The following DHX16 variants were observed in gnomAD, a reference collection of about 807,000 sequenced individuals.
The protein encoded by DHX16 is DEAH-box helicase 16.
A neutral mutation model predicts 131.2 loss-of-function variants in DHX16; 81 were observed. That is an observed-to-expected ratio of 0.62 (90% CI 0.52 to 0.74). The LOEUF is 0.74. DHX16 is among the 30% of genes least tolerant of loss of function. The probability of loss-of-function intolerance (pLI) is 0.00; values close to 1 mark genes in which losing one functional copy is unlikely to be tolerated. For missense variants in DHX16, 980 were observed against 1,363.1 expected (o/e 0.72, Z 4.43); for synonymous variants, 440 against 520.2 (o/e 0.85, Z 2.10).
rs1257604127 is a variant in DHX16 at position 30,670,407 on chromosome 6, C to T, written c.666+3G>A. On this transcript the variant is annotated splice_donor_region_variant and intron_variant, in intron 4 of 19. Coordinates refer to ENST00000376442, the MANE Select transcript of DHX16 (RefSeq NM_003587.5). The surrounding 1 kb of genome is among the most constrained non-coding windows in gnomAD (Gnocchi z 4.4). ...TCTTGGCTCCCTAGGCCCTGGGACTCACCATGGCCTTCCGGTCTTCCTCGG... is the reference window on the plus strand; with the variant it reads ...TCTTGGCTCCCTAGGCCCTGGGACTTACCATGGCCTTCCGGTCTTCCTCGG... The T allele has an allele frequency of 6.2e-7, 1 of 1,608,820 alleles. No individual in the cohort carries two copies. Among genetic ancestry groups the T allele is most frequent in the Admixed American group, 1.7e-5 (1 of 59,732 alleles).
chr6:30,653,651 A>AGTGCTGGG (rs1284990833), intron 19 of DHX16, among the ~76,000 whole-genome samples: 1 of 6,356 alleles, frequency 1.6e-4, no homozygotes, highest in African/African-American at 9.9e-4. Flanking sequence ...GGTTTACAAA[A>AGTGCTGGG]ATGAGCCACT....
In DHX16 at chr6:30,656,766, A is replaced by C; in HGVS notation, c.2149-7T>G. On this transcript the variant is annotated splice_polypyrimidine_tract_variant and splice_region_variant and intron_variant, in intron 13 of 19. Transcript: ENST00000376442. The surrounding 1 kb of genome is among the most constrained non-coding windows in gnomAD (Gnocchi z 5.1). ...CTCGCTGATTGGCTGAGGCCTGGAA[A>C]GAAAGGGGAACAGGCTGGCTGACAA... 1 of 1,611,794 alleles carries C rather than the reference A, an allele frequency of 6.2e-7. No homozygotes were observed. Among genetic ancestry groups the C allele is most frequent in the East Asian group, 2.2e-5 (1 of 44,882 alleles).
At chr6:30,658,044 C>A (rs879585244) in intron 12 of DHX16, among the ~76,000 whole-genome samples, 7 of 152,240 alleles carry the variant, frequency 4.6e-5, no homozygotes, top group Admixed American at 2.6e-4. Context: ...AGAAGGAACT[C>A]ATTAAATATT....
chr6:30,668,388 C>T (rs1038011400), intron 4 of DHX16, among the ~76,000 whole-genome samples: 3 of 152,186 alleles, frequency 2.0e-5, no homozygotes, highest in African/African-American at 4.8e-5. Context: ...CAGTGGCTCA[C>T]GCCTGTAATC....
intron 19 of DHX16, among the ~76,000 whole-genome samples, chr6:30,654,288 CTG>C (rs967019852): frequency 3.3e-5 from 5 of 152,116 alleles, no homozygotes; most frequent in African/African-American, 1.2e-4. Flanking sequence ...TGTCTTTGGG[CTG>C]GGCATGGTGG....
chr6:30,668,956 T>C (rs1769284211), intron 4 of DHX16, among the ~76,000 whole-genome samples: 1 of 151,422 alleles, frequency 6.6e-6, no homozygotes, highest in East Asian at 2.0e-4. Flanking sequence ...AAATACAAAA[T>C]TAGCCAGGCG....
chr6:30,660,275 A>G (rs1342544471), intron 9 of DHX16, 33 bp from the exon 10 acceptor site: 3 of 1,491,584 alleles, frequency 2.0e-6, no homozygotes, highest in Non-Finnish European at 2.7e-6. Flanking sequence ...ATGAGGGAAG[A>G]GCGCTAGGCA....
In DHX16 at chr6:30,662,358, G is replaced by A. The variant is rs1768590272; in HGVS notation, c.1544+269C>T. ...TCCCTCTGAGCTGAGCATTCCAAGT[G>A]TTTTCAAATGGTCTTCACACGGTAT... is the stretch of plus-strand genomic sequence containing the variant. On this transcript the variant is annotated intron_variant, in intron 9 of 19. Coordinates refer to ENST00000376442, the MANE Select transcript of DHX16 (RefSeq NM_003587.5). This position sits in a 1 kb window ranked among gnomAD's most constrained non-coding sequence, Gnocchi z 4.7. Among the ~76,000 whole-genome samples, 2 of 152,184 alleles carry A rather than the reference G, an allele frequency of 1.3e-5. No individual in the cohort carries two copies. Among genetic ancestry groups the A allele is most frequent in the African/African-American group, 4.8e-5 (2 of 41,444 alleles).
intron 19 of DHX16, among the ~76,000 whole-genome samples, chr6:30,654,181 A>G (rs1426481878): frequency 6.6e-6 from 1 of 152,134 alleles, no homozygotes; most frequent in Non-Finnish European, 1.5e-5. Flanking sequence ...TTTGTTCATT[A>G]TAGCCCCAGC....
At position 30,671,380 on chromosome 6, in the gene DHX16, G is replaced by A. The variant is rs9295901; in HGVS notation, c.208-106C>T. 4.6e-6 allele frequency: 5 copies of A among 1,092,868 alleles called. No individual in the cohort carries two copies. In the African/African-American group the frequency reaches 6.3e-5, roughly 14 times the overall value. 67.7% of individuals were successfully genotyped at this position (1,092,868 alleles called of 1,614,324 possible). On this transcript the variant is annotated intron_variant, in intron 1 of 19. Transcript: ENST00000376442. The stretch of plus-strand genomic sequence containing the variant: ...CAATTACTTAGTCTTTCCTGCCCCC[G>A]CGGCCCGGCCCCACTGTCAGGCAAT...
At chr6:30,660,906 A>G (rs1211635330) in intron 9 of DHX16, among the ~76,000 whole-genome samples, 2 of 151,432 alleles carry the variant, frequency 1.3e-5, no homozygotes, top group Non-Finnish European at 2.9e-5. Flanking sequence ...AAAAAGTGGA[A>G]GGATTTTTTT....
rs1452173219 is a variant in DHX16 at position 30,656,892 on chromosome 6, G to A, written c.2148+60C>T. ...TAGGAAGCCCCCACCCTGCTTCTGA[G>A]TTGGACCTTCTCTGTGGGCCAACTC... On this transcript the variant is annotated intron_variant, in intron 13 of 19. Transcript: ENST00000376442. The surrounding 1 kb of genome is among the most constrained non-coding windows in gnomAD (Gnocchi z 5.1). 3 of 1,593,214 alleles carry A rather than the reference G, an allele frequency of 1.9e-6. No individual in the cohort carries two copies. Among genetic ancestry groups the A allele is most frequent in the Non-Finnish European group, 2.6e-6 (3 of 1,168,976 alleles).
chr6:30,654,576 GTCTT>G, intron 19 of DHX16, 126 bp downstream of exon 19: 2 of 903,822 alleles, frequency 2.2e-6, no homozygotes, highest in Admixed American at 3.0e-5. Context: ...AACAAAGGAT[GTCTT>G]TCTATTTTAC....
At position 30,667,536 on chromosome 6, in the gene DHX16, C is replaced by T. The variant is rs190803803; in HGVS notation, c.667-1803G>A. Among the ~76,000 whole-genome samples the T allele has an allele frequency of 1.0e-4, 15 of 149,092 alleles. No individual in the cohort carries two copies. In the East Asian group the frequency reaches 2.0e-3, roughly 20 times the overall value. Reference sequence around the variant, plus strand: ...GGCAGAGCTTGCAGTGAGCCGAGATCGCACCGTTGCACTCCAGCCTGGGCG... The same window carrying T: ...GGCAGAGCTTGCAGTGAGCCGAGATTGCACCGTTGCACTCCAGCCTGGGCG... On this transcript the variant is annotated intron_variant, in intron 4 of 19. Transcript: ENST00000376442.
chr6:30,665,852 C>T lies in DHX16; in HGVS notation c.667-119G>A. 1 of 1,301,294 alleles carries T rather than the reference C, an allele frequency of 7.7e-7. No homozygotes were observed. The highest frequency in any genetic ancestry group is 1.0e-6 in the Non-Finnish European group (1 of 961,978). The allele number at this position is 1,301,294 out of a possible 1,614,324, so 80.6% of individuals were successfully genotyped here. ...AGGCATGAGAACCTCAGGATGCACC[C>T]TCTACCTTCCCTCTGCAATGCACAA... On this transcript the variant is annotated intron_variant, in intron 4 of 19. Transcript: ENST00000376442. The surrounding 1 kb of genome is among the most constrained non-coding windows in gnomAD (Gnocchi z 4.8).
chr6:30,665,196 G>C lies in DHX16; in HGVS notation c.1000C>G (p.Leu334Val), dbSNP rs201146701. The C allele has an allele frequency of 1.6e-5, 26 of 1,610,236 alleles. No individual in the cohort carries two copies. The highest frequency in any genetic ancestry group is 2.1e-5 in the Non-Finnish European group (25 of 1,179,838). The change falls in exon 6 of 20, where the codon CTT (leucine) becomes GTT (valine). Residue 334 changes from leucine to valine, a missense_variant. Transcript: ENST00000376442. The surrounding 1 kb of genome is among the most constrained non-coding windows in gnomAD (Gnocchi z 4.8). ...EEQRRWEEAR[L>V]GAASLKFGAR... ...CCAAACTTCAGGGACGCTGCCCCAA[G>C]CCGCGCCTCCTCCCAGCGCCGCTGC...
In DHX16 at chr6:30,659,814, C is replaced by T; in HGVS notation, c.1776G>A (p.Leu592=). The change falls in exon 11 of 20, where the codon TTG becomes TTA. Residue 592 remains leucine, a synonymous_variant. Transcript: ENST00000376442. ...GCAACACAGATACTACACAAGCTTC[C>T]AAGTAGTCAGCCTCTGGAGCCTGGA... ...FYTKAPEADY[L]EACVVSVLQI... is the part of the protein sequence containing the mutation. The T allele has an allele frequency of 6.2e-7, 1 of 1,614,204 alleles. No homozygotes were observed. The highest frequency in any genetic ancestry group is 8.5e-7 in the Non-Finnish European group (1 of 1,180,038).
rs1224827087 is a variant in DHX16 at position 30,665,250 on chromosome 6, C to T, written c.946G>A (p.Glu316Lys). 6.2e-7 allele frequency: 1 copy of T among 1,604,114 alleles called. No homozygotes were observed. Among genetic ancestry groups the T allele is most frequent in the Non-Finnish European group, 8.5e-7 (1 of 1,179,788 alleles). ...TCCCCAGGGGCTCCTGATTCCTCCT[C>T]CACTAGATCCACAGCTCGGGCTGGC... The part of the protein sequence containing the change: ...GQPARAVDLV[E>K]EESGAPGEEQ... Residue 316 changes from glutamate (E) to lysine (K), a missense_variant, in exon 6 of 20, where the codon GAG becomes AAG. Coordinates refer to ENST00000376442, the MANE Select transcript of DHX16 (RefSeq NM_003587.5). This position sits in a 1 kb window ranked among gnomAD's most constrained non-coding sequence, Gnocchi z 4.8.
At chr6:30,668,841 C>CA (rs1769272497) in intron 4 of DHX16, among the ~76,000 whole-genome samples, 2 of 152,192 alleles carry the variant, frequency 1.3e-5, no homozygotes. Flanking sequence ...CGTGGTGACT[C>CA]ACGCCTATAA....
Sources: allele counts gnomAD v4.1 joint callset (sites outside exome capture counted in the v4.1 genomes callset), GRCh38; gene constraint gnomAD v4.1.1; non-coding constraint Gnocchi (gnomAD v3.1); transcripts MANE v1.5; gene names NCBI Gene and HGNC (gene_info 2026-07-23, HGNC 2026-07-21).